EVC2: variants seen among roughly 807,000 people sequenced by gnomAD.
EVC2 encodes limbin.
In EVC2, 148 loss-of-function variants were observed where a neutral mutation model predicts 149.3. The ratio of observed to expected loss-of-function variants is 0.99; its 90% CI spans 0.87 to 1.14. EVC2 has a LOEUF of 1.14. EVC2 is among the 50% of genes most tolerant of loss of function. The probability of loss-of-function intolerance (pLI) is 0.00; values close to 1 mark genes in which losing one functional copy is unlikely to be tolerated. For synonymous variants in EVC2, 776 were observed against 649.9 expected (o/e 1.19, Z -2.95); for missense variants, 1,854 against 1,627.3 (o/e 1.14, Z -2.40).
At chr4:5,584,347 A>G (rs1464875328) in intron 17 of EVC2, among the ~76,000 whole-genome samples, 1 of 152,248 alleles carries the variant, frequency 6.6e-6, no homozygotes, top group Non-Finnish European at 1.5e-5. Context: ...CCCTAGCACA[A>G]TGAAAGAAAC....
rs1257479666 is a variant in EVC2, at chr4:5,686,921, CA to C, written c.707-1443del. Among the ~76,000 whole-genome samples, 3 of 152,052 alleles carry C rather than the reference CA, an allele frequency of 2.0e-5. No individual in the cohort carries two copies. Among genetic ancestry groups the C allele is most frequent in the Non-Finnish European group, 2.9e-5 (2 of 68,020 alleles). ...GTAGAGCCCAGTAGGTAGAGCTAAG[CA>C]TGGGCATAAATAACAAGAATGGAGC... On this transcript the variant is annotated intron_variant, in intron 5 of 21. Transcript: ENST00000344408. The surrounding 1 kb of genome is among the most constrained non-coding windows in gnomAD (Gnocchi z 5.4).
intron 21 of EVC2, among the ~76,000 whole-genome samples, chr4:5,554,403 A>C (rs1721795269): frequency 6.6e-6 from 1 of 152,220 alleles, no homozygotes; most frequent in African/African-American, 2.4e-5. Flanking sequence ...TTAGAAGTTC[A>C]GGAAGAAACT....
chr4:5,620,506 TA>T (rs1715609335), intron 14 of EVC2, among the ~76,000 whole-genome samples: 1 of 152,236 alleles, frequency 6.6e-6, no homozygotes, highest in South Asian at 2.1e-4. Flanking sequence ...AGTTTTATAG[TA>T]ACCCTATCTT....
intron 17 of EVC2, 26 bp downstream of exon 17, chr4:5,584,597 C>A (rs575806400): frequency 1.9e-6 from 3 of 1,606,240 alleles, no homozygotes; most frequent in South Asian, 1.1e-5. Context: ...CTCTGTCCCC[C>A]TCTCCTTCCC....
At chr4:5,672,314 C>T (rs910419520) in intron 7 of EVC2, among the ~76,000 whole-genome samples, 8 of 152,150 alleles carry the variant, frequency 5.3e-5, no homozygotes, top group Admixed American at 1.3e-4. Flanking sequence ...ACAGAGCCTT[C>T]GAGAGCAGGT....
intron 3 of EVC2, among the ~76,000 whole-genome samples, chr4:5,693,553 G>A (rs1430638296): frequency 1.3e-5 from 2 of 152,290 alleles, no homozygotes; most frequent in East Asian, 3.9e-4. Flanking sequence ...GCCTGCAGAG[G>A]GAGCGTGGCC....
In EVC2 at chr4:5,613,578, G is replaced by A. The variant is rs1208784358; in HGVS notation, c.2829+1844C>T. Among the ~76,000 whole-genome samples, 2 of 151,998 alleles carry A rather than the reference G, an allele frequency of 1.3e-5. No individual in the cohort carries two copies. Among genetic ancestry groups the A allele is most frequent in the African/African-American group, 2.4e-5 (1 of 41,370 alleles). On this transcript the variant is annotated intron_variant, in intron 16 of 21. Transcript: ENST00000344408. This position sits in a 1 kb window ranked among gnomAD's most constrained non-coding sequence, Gnocchi z 4.6. Reference sequence around the variant, plus strand: ...TGGGACAGCTTGGCTTACCTCTCTCGCTTCTCTTTGGGACCCCAACTTCTG... The same window carrying A: ...TGGGACAGCTTGGCTTACCTCTCTCACTTCTCTTTGGGACCCCAACTTCTG...
At chr4:5,642,834 T>C (rs1360909793) in intron 9 of EVC2, among the ~76,000 whole-genome samples, 1 of 152,262 alleles carries the variant, frequency 6.6e-6, no homozygotes, top group Non-Finnish European at 1.5e-5. Flanking sequence ...AGGGCTTAAG[T>C]ATATGACTTC....
At chr4:5,531,048 G>T in the EVC2 span, among the ~76,000 whole-genome samples, 7 of 152,134 alleles carry the variant, frequency 4.6e-5, no homozygotes, top group African/African-American at 1.7e-4. Context: ...CACTCTGAGG[G>T]TGGTTATTAC....
In EVC2 at chr4:5,636,018, T is replaced by C. The variant is rs1049668752; in HGVS notation, c.1471-3986A>G. Among the ~76,000 whole-genome samples the C allele has an allele frequency of 6.6e-6, 1 of 152,164 alleles. No homozygotes were observed. The highest frequency in any genetic ancestry group is 1.9e-4 in the East Asian group (1 of 5,180). On this transcript the variant is annotated intron_variant, in intron 10 of 21. Coordinates refer to ENST00000344408, the MANE Select transcript of EVC2 (RefSeq NM_147127.5). The surrounding 1 kb of genome is among the most constrained non-coding windows in gnomAD (Gnocchi z 4.6). ...TTCAGTTATGAATCATAATAAACCCTTGTCCAAGGTTGACTCAGCGCCGAG... is the reference window on the plus strand; with the variant it reads ...TTCAGTTATGAATCATAATAAACCCCTGTCCAAGGTTGACTCAGCGCCGAG...
chr4:5,590,496 C>T (rs936335397), intron 16 of EVC2, among the ~76,000 whole-genome samples: 2 of 152,040 alleles, frequency 1.3e-5, no homozygotes, highest in African/African-American at 4.8e-5. Flanking sequence ...CTTCCCTGAG[C>T]GCTAAACAGA....
chr4:5,550,952 G>C (rs1264590886), intron 21 of EVC2, among the ~76,000 whole-genome samples: 1 of 152,226 alleles, frequency 6.6e-6, no homozygotes. Flanking sequence ...GAGCCTGTGA[G>C]TGCACAGAAG....
chr4:5,669,956 G>A (rs1353376126), intron 7 of EVC2, among the ~76,000 whole-genome samples: 2 of 152,162 alleles, frequency 1.3e-5, no homozygotes, highest in African/African-American at 4.8e-5. Flanking sequence ...CTGACACCAA[G>A]TAACAAGCAA....
intron 16 of EVC2, among the ~76,000 whole-genome samples, chr4:5,590,023 T>C (rs971206618): frequency 6.6e-6 from 1 of 152,070 alleles, no homozygotes; most frequent in Admixed American, 6.6e-5. Flanking sequence ...ATATTGGCAT[T>C]TGAAGCAGAT....
At chr4:5,568,364 C>T in intron 20 of EVC2, 80 bp downstream of exon 20, 1 of 1,352,370 alleles carries the variant, frequency 7.4e-7, no homozygotes, top group Non-Finnish European at 1.0e-6. Context: ...AATACATGGG[C>T]CTCCCATGAC....
the EVC2 span, among the ~76,000 whole-genome samples, chr4:5,533,613 G>C: frequency 6.6e-6 from 1 of 152,200 alleles, no homozygotes; most frequent in Non-Finnish European, 1.5e-5. Context: ...GCCAGTAAGG[G>C]GCAGAAGAGC....
At position 5,543,197 on chromosome 4, in the gene EVC2, C is replaced by A. The variant is rs1415490633; in HGVS notation, c.3435G>T (p.Glu1145Asp). ...TCCCTACCAGGTACTGCCAGAAGCT[C>A]TCTTGGTTCCCTGACCTGGAACAGG... Residue 1145 changes from glutamate (E) to aspartate (D), a missense_variant and NMD_transcript_variant, in exon 22 of 23, where the codon GAG becomes GAT. Coordinates refer to the EVC2 transcript ENST00000475313. 3.1e-6 allele frequency: 4 copies of A among 1,289,740 alleles called. No individual in the cohort carries two copies. In the East Asian group the frequency reaches 2.2e-4, roughly 72 times the overall value. 79.9% of individuals were successfully genotyped at this position (1,289,740 alleles called of 1,614,324 possible). A position where few individuals can be genotyped will look rare whatever the true frequency, so the allele number is the denominator to read the frequency against.
At chr4:5,574,663 G>A (rs1355200205) in intron 19 of EVC2, 22 bp downstream of exon 19, 2 of 1,611,094 alleles carry the variant, frequency 1.2e-6, no homozygotes, top group Non-Finnish European at 1.7e-6. Context: ...GGTGGCCTCA[G>A]ACCCTGCCAG....
intron 16 of EVC2, among the ~76,000 whole-genome samples, chr4:5,591,583 T>A (rs531627969): frequency 6.6e-6 from 1 of 152,320 alleles, no homozygotes; most frequent in East Asian, 1.9e-4. Context: ...TGTAAATGCA[T>A]GAATAAATGT....
Sources: allele counts gnomAD v4.1 joint callset (sites outside exome capture counted in the v4.1 genomes callset), GRCh38; gene constraint gnomAD v4.1.1; non-coding constraint Gnocchi (gnomAD v3.1); transcripts MANE v1.5; gene names NCBI Gene and HGNC (gene_info 2026-07-23, HGNC 2026-07-21).